The following COBL variants were observed in gnomAD, a reference collection of about 807,000 sequenced individuals.
COBL encodes protein cordon-bleu.
COBL carries 51 observed loss-of-function variants against 98.8 expected under a neutral mutation model. The observed-to-expected ratio is 0.52, with a 90% CI of 0.41 to 0.65. The LOEUF is 0.65. COBL is among the 30% of genes least tolerant of loss of function. COBL has a pLI of 0.00. For synonymous variants in COBL, 634 were observed against 651.7 expected (o/e 0.97, Z 0.41); for missense variants, 1,617 against 1,617.5 (o/e 1.00, Z 0.01).
chr7:51,081,668 CCA>C (rs1411195550), intron 7 of COBL, among the ~76,000 whole-genome samples: 2 of 152,210 alleles, frequency 1.3e-5, no homozygotes, highest in Non-Finnish European at 2.9e-5. Context: ...GTGCAGGCTG[CCA>C]CAGAGCCACT....
chr7:51,017,728 GC>G (rs67895633), intron 12 of COBL, among the ~76,000 whole-genome samples, 160 bp from the exon 13 acceptor site: 1,561 of 152,316 alleles, frequency 0.01, 25 homozygotes, highest in African/African-American at 0.036. Flanking sequence ...TGTGATCAGG[GC>G]TGTCCTCACA....
At chr7:51,142,594 G>C (rs1041086187) in intron 5 of COBL, among the ~76,000 whole-genome samples, 2 of 152,012 alleles carry the variant, frequency 1.3e-5, no homozygotes, top group Non-Finnish European at 2.9e-5. Flanking sequence ...ATCTTGGAAA[G>C]GCTGGTCTCG....
intron 6 of COBL, among the ~76,000 whole-genome samples, chr7:51,089,523 AC>A (rs1309055262): frequency 1.0e-4 from 15 of 149,236 alleles, no homozygotes; most frequent in African/African-American, 3.7e-4. Context: ...TTAAAAAAAA[AC>A]AAAAAACAAA....
intron 10 of COBL, 58 bp from the exon 11 acceptor site, chr7:51,026,723 A>G: frequency 6.3e-7 from 1 of 1,580,828 alleles, no homozygotes; most frequent in Non-Finnish European, 8.6e-7. Context: ...GTGAACTGTA[A>G]TGCAGCTCAT....
chr7:51,206,102 G>C (rs1374843518), intron 2 of COBL, among the ~76,000 whole-genome samples: 1 of 152,106 alleles, frequency 6.6e-6, no homozygotes. Flanking sequence ...AATGTAAATT[G>C]GTACAGCCAT....
intron 6 of COBL, among the ~76,000 whole-genome samples, chr7:51,112,645 C>G (rs1305391494): frequency 6.6e-6 from 1 of 152,150 alleles, no homozygotes; most frequent in Admixed American, 6.5e-5. Flanking sequence ...ATGGGGTCGG[C>G]TGTCCTTTGC....
intron 1 of COBL, among the ~76,000 whole-genome samples, chr7:51,283,482 T>C (rs940835468): frequency 1.3e-5 from 2 of 152,176 alleles, no homozygotes; most frequent in African/African-American, 4.8e-5. Flanking sequence ...TCTGTAGTTT[T>C]TGTTTGTTTG....
chr7:51,234,890 G>C (rs1454537086), intron 1 of COBL, among the ~76,000 whole-genome samples: 1 of 152,064 alleles, frequency 6.6e-6, no homozygotes, highest in Non-Finnish European at 1.5e-5. Flanking sequence ...GAAAGAGAGA[G>C]ACAGAGAGAA....
chr7:51,287,844 GA>G lies in COBL; in HGVS notation c.41+28748del, dbSNP rs912421577. 7.3e-5 allele frequency among the ~76,000 whole-genome samples: 11 copies of G among 150,224 alleles called. No individual in the cohort carries two copies. The South Asian group carries it at 1.3e-3, about 17-fold the overall frequency. On this transcript the variant is annotated intron_variant, in intron 1 of 12. Coordinates refer to ENST00000265136, the MANE Select transcript of COBL (RefSeq NM_015198.5). ...AGTGAGACTCTGTCTCAAAAAAAAA[GA>G]AAAAAAAATGAATGAACTACTGACA...
chr7:51,263,817 C>T lies in COBL; in HGVS notation c.42-43873G>A, dbSNP rs569573974. ...ATGTCACTGAACACTTTCTTGGCAACTACTAAATATTTTGATATGATTCCT... is the reference window on the plus strand; with the variant it reads ...ATGTCACTGAACACTTTCTTGGCAATTACTAAATATTTTGATATGATTCCT... On this transcript the variant is annotated intron_variant, in intron 1 of 12. Transcript: ENST00000265136. Among the ~76,000 whole-genome samples, 200 of 152,284 alleles carry T rather than the reference C, an allele frequency of 1.3e-3. No homozygotes were observed. The Middle Eastern group carries it at 0.017, about 13-fold the overall frequency.
At chr7:51,041,977 A>G (rs996115880) in intron 8 of COBL, among the ~76,000 whole-genome samples, 3 of 152,154 alleles carry the variant, frequency 2.0e-5, no homozygotes, top group African/African-American at 7.2e-5. Context: ...AGAGCACTGG[A>G]ACAGAACAAC....
chr7:51,275,856 G>A (rs1799266051), intron 1 of COBL, among the ~76,000 whole-genome samples: 1 of 152,194 alleles, frequency 6.6e-6, no homozygotes, highest in Non-Finnish European at 1.5e-5. Flanking sequence ...CTGATTAGGG[G>A]CTGTAGGCCT....
intron 1 of COBL, among the ~76,000 whole-genome samples, chr7:51,266,604 T>C (rs1219685606): frequency 6.6e-6 from 1 of 152,094 alleles, no homozygotes; most frequent in Non-Finnish European, 1.5e-5. Flanking sequence ...AAAGATCAAC[T>C]GATTCTTATT....
intron 5 of COBL, among the ~76,000 whole-genome samples, chr7:51,154,811 T>C (rs945936113): frequency 2.0e-5 from 3 of 152,232 alleles, no homozygotes; most frequent in African/African-American, 7.2e-5. Context: ...TGCTTCAGCA[T>C]TCACCATTTT....
chr7:51,210,888 T>C (rs370427408), intron 2 of COBL, among the ~76,000 whole-genome samples: 2 of 152,264 alleles, frequency 1.3e-5, no homozygotes, highest in Middle Eastern at 3.4e-3. Context: ...CTAGCCTCCT[T>C]TGATGCTACT....
chr7:51,088,657 C>T (rs919506064), intron 6 of COBL, among the ~76,000 whole-genome samples: 6 of 152,208 alleles, frequency 3.9e-5, no homozygotes, highest in African/African-American at 1.4e-4. Context: ...TCCTCAAATT[C>T]ATGACTGATT....
chr7:51,170,964 C>T (rs1049626170), intron 5 of COBL, among the ~76,000 whole-genome samples: 2 of 152,082 alleles, frequency 1.3e-5, no homozygotes, highest in Non-Finnish European at 2.9e-5. Flanking sequence ...GGATTTGCTA[C>T]TTATCCTGAT....
chr7:51,167,338 C>T (rs1387497446), intron 5 of COBL, among the ~76,000 whole-genome samples: 1 of 151,772 alleles, frequency 6.6e-6, no homozygotes. Context: ...AAAAGTAATC[C>T]CATTTACAGT....
intron 6 of COBL, among the ~76,000 whole-genome samples, chr7:51,131,590 CTTCT>C (rs1798738811): frequency 6.7e-6 from 1 of 149,846 alleles, no homozygotes; most frequent in Non-Finnish European, 1.5e-5. Context: ...ATTGATTCTT[CTTCT>C]TTTTTTTTTT....
Sources: gnomAD v4.1 joint callset for allele counts (sites outside exome capture counted in the v4.1 genomes callset) on GRCh38, gnomAD v4.1.1 for gene constraint, MANE v1.5 for transcripts, NCBI Gene and HGNC (gene_info 2026-07-23, HGNC 2026-07-21) for gene names.